Variants in COL23A1 observed in about 807,000 individuals in gnomAD.
COL23A1 encodes collagen type XXIII alpha 1 chain, also known as collagen alpha-1(XXIII) chain.
COL23A1 carries 97 observed loss-of-function variants against 99.3 expected under a neutral mutation model. The ratio of observed to expected loss-of-function variants is 0.98; its 90% CI spans 0.83 to 1.16. COL23A1 has a LOEUF of 1.16. COL23A1 is among the 50% of genes most tolerant of loss of function. The pLI, the probability that COL23A1 is intolerant of heterozygous loss-of-function variation, is 0.00. For missense variants in COL23A1, 762 were observed against 757.4 expected (o/e 1.01, Z -0.07); for synonymous variants, 320 against 308.2 (o/e 1.04, Z -0.40).
chr5:178,548,599 C>T (rs994763581), intron 2 of COL23A1, among the ~76,000 whole-genome samples: 2 of 148,068 alleles, frequency 1.4e-5, no homozygotes, highest in Admixed American at 1.4e-4. Flanking sequence ...TGTCACCAAG[C>T]TGGAGTGCAG....
At chr5:178,318,210 C>T (rs1561856386) in intron 2 of COL23A1, among the ~76,000 whole-genome samples, 1 of 152,244 alleles carries the variant, frequency 6.6e-6, no homozygotes, top group Non-Finnish European at 1.5e-5. Context: ...AGGCTAGGCA[C>T]CTGTGCTGGG....
At chr5:178,555,729 C>T (rs1017987345) in intron 2 of COL23A1, among the ~76,000 whole-genome samples, 3 of 152,312 alleles carry the variant, frequency 2.0e-5, no homozygotes, top group East Asian at 1.9e-4. Context: ...ATTTACAAGG[C>T]GGAGTCAAGA....
At chr5:178,418,782 G>A (rs750299382) in intron 2 of COL23A1, among the ~76,000 whole-genome samples, 3 of 152,144 alleles carry the variant, frequency 2.0e-5, no homozygotes, top group African/African-American at 4.8e-5. Context: ...GGCACTGGGA[G>A]GCAGGCCTGG....
chr5:178,305,552 G>A (rs1294120559), intron 3 of COL23A1, among the ~76,000 whole-genome samples: 1 of 152,224 alleles, frequency 6.6e-6, no homozygotes, highest in African/African-American at 2.4e-5. Flanking sequence ...CTGAGTGTGG[G>A]GCGATACCTC....
At chr5:178,534,310 A>C (rs1294048424) in intron 2 of COL23A1, among the ~76,000 whole-genome samples, 1 of 152,096 alleles carries the variant, frequency 6.6e-6, no homozygotes, top group Non-Finnish European at 1.5e-5. Flanking sequence ...AATGCCACTC[A>C]TGAGAGCTCC....
intron 2 of COL23A1, among the ~76,000 whole-genome samples, chr5:178,450,063 C>T (rs1345461529): frequency 5.3e-5 from 8 of 152,114 alleles, no homozygotes; most frequent in Admixed American, 1.3e-4. Flanking sequence ...AAGCCAGCCC[C>T]GGAGCAGGAA....
Position 178,238,772 on chromosome 5 carries a change from C to T in COL23A1, c.1621-72G>A, listed in dbSNP as rs112715515. On this transcript the variant is annotated intron_variant, in intron 28 of 28. Coordinates refer to ENST00000390654, the MANE Select transcript of COL23A1 (RefSeq NM_173465.4). ...TCCGCCCCCATCCAGGCCACCTTGC[C>T]TGGCCTCCCCGGTCCTGCCCATTTC... 11 of 1,600,290 alleles carry T rather than the reference C, an allele frequency of 6.9e-6. No individual in the cohort carries two copies. The African/African-American group carries it at 1.2e-4, about 18-fold the overall frequency.
intron 2 of COL23A1, among the ~76,000 whole-genome samples, chr5:178,350,578 C>T (rs1375121755): frequency 6.6e-6 from 1 of 152,226 alleles, no homozygotes; most frequent in Non-Finnish European, 1.5e-5. Flanking sequence ...AAGGATTCCT[C>T]ACCAGATAAT....
chr5:178,358,433 ATGTG>A (rs1179778347), intron 2 of COL23A1, among the ~76,000 whole-genome samples: 22 of 133,712 alleles, frequency 1.6e-4, no homozygotes, highest in Middle Eastern at 4.4e-3. Flanking sequence ...GTGTATGTGT[ATGTG>A]TGTATGTGTG....
At chr5:178,537,689 G>A (rs991439058) in intron 2 of COL23A1, among the ~76,000 whole-genome samples, 7 of 152,330 alleles carry the variant, frequency 4.6e-5, no homozygotes, top group South Asian at 2.1e-4. Flanking sequence ...CATGACAGGC[G>A]CCTTCTTTAC....
At chr5:178,293,488 G>A (rs945169817) in intron 3 of COL23A1, among the ~76,000 whole-genome samples, 1 of 152,180 alleles carries the variant, frequency 6.6e-6, no homozygotes. Context: ...GGTGTTCGGG[G>A]ACTGAGCGGG....
chr5:178,504,640 G>A (rs1302487161), intron 2 of COL23A1, among the ~76,000 whole-genome samples: 1 of 152,170 alleles, frequency 6.6e-6, no homozygotes, highest in East Asian at 1.9e-4. Flanking sequence ...GCAGGTCCTA[G>A]AGCAAAGGTC....
At chr5:178,317,520 T>C (rs574826596) in intron 2 of COL23A1, among the ~76,000 whole-genome samples, 28 of 152,356 alleles carry the variant, frequency 1.8e-4, no homozygotes, top group Non-Finnish European at 2.8e-4. Context: ...CTAGTCAAGA[T>C]ACACTGATCA....
At chr5:178,247,666 T>C in intron 21 of COL23A1, 109 bp downstream of exon 21, 4 of 1,558,120 alleles carry the variant, frequency 2.6e-6, no homozygotes, top group Non-Finnish European at 3.5e-6. Flanking sequence ...TGCCCCTCCC[T>C]GAACGAAGAA....
At chr5:178,364,291 G>A (rs1214185268) in intron 2 of COL23A1, among the ~76,000 whole-genome samples, 1 of 149,112 alleles carries the variant, frequency 6.7e-6, no homozygotes, top group South Asian at 2.2e-4. Flanking sequence ...GCCCCTTACA[G>A]GAAGTCCGTC....
chr5:178,269,075 T>A (rs1756074641), intron 6 of COL23A1, among the ~76,000 whole-genome samples: 1 of 152,084 alleles, frequency 6.6e-6, no homozygotes, highest in Non-Finnish European at 1.5e-5. Flanking sequence ...TCCCTACTGC[T>A]CAGCACCCGC....
At position 178,589,313 on chromosome 5, in the gene COL23A1, C is replaced by T. The variant is rs1581694693; in HGVS notation, c.294+591G>A. 6.6e-6 allele frequency among the ~76,000 whole-genome samples: 1 copy of T among 152,120 alleles called. No homozygotes were observed. Among genetic ancestry groups the T allele is most frequent in the South Asian group, 2.1e-4 (1 of 4,830 alleles). On this transcript the variant is annotated intron_variant, in intron 1 of 28. Transcript: ENST00000390654. This position sits in a 1 kb window ranked among gnomAD's most constrained non-coding sequence, Gnocchi z 5.4. ...CCCGATTGTTTCTCCTTCCTCTCAT[C>T]TTACCAAGTCATGTGGGCGCCCCCA...
intron 2 of COL23A1, among the ~76,000 whole-genome samples, chr5:178,359,112 C>T (rs1054650770): frequency 2.0e-5 from 3 of 152,174 alleles, no homozygotes; most frequent in African/African-American, 7.2e-5. Context: ...GGGTCTGGCT[C>T]AGTTTTGATT....
At chr5:178,537,555 C>T (rs925912174) in intron 2 of COL23A1, among the ~76,000 whole-genome samples, 1 of 152,200 alleles carries the variant, frequency 6.6e-6, no homozygotes, top group African/African-American at 2.4e-5. Context: ...CTGGCATGGG[C>T]TCCCCACTCA....
Sources: gnomAD v4.1 joint callset for allele counts (sites outside exome capture counted in the v4.1 genomes callset) on GRCh38, gnomAD v4.1.1 for gene constraint, Gnocchi (gnomAD v3.1) non-coding constraint, MANE v1.5 for transcripts, NCBI Gene and HGNC (gene_info 2026-07-23, HGNC 2026-07-21) for gene names.